The following ZNF106 variants were observed in gnomAD, a reference collection of about 807,000 sequenced individuals.
ZNF106 encodes the protein zinc finger protein 106.
A neutral mutation model predicts 195.1 loss-of-function variants in ZNF106; 67 were observed. The ratio of observed to expected loss-of-function variants is 0.34; its 90% CI spans 0.28 to 0.42. ZNF106 has a LOEUF of 0.42. ZNF106 is among the 10% of genes least tolerant of loss of function. The pLI is 1.00. For synonymous variants in ZNF106, 784 were observed against 818.6 expected (o/e 0.96, Z 0.72); for missense variants, 2,118 against 2,304.5 (o/e 0.92, Z 1.66).
At position 42,416,089 on chromosome 15, in the gene ZNF106, T is replaced by G. The variant is rs2085541673; in HGVS notation, c.*1215A>C. 1 of 152,202 alleles carries G rather than the reference T, an allele frequency of 6.6e-6. No individual in the cohort carries two copies. Among genetic ancestry groups the G allele is most frequent in the Non-Finnish European group, 1.5e-5 (1 of 68,138 alleles). 9.4% of individuals were successfully genotyped at this position (152,202 alleles called of 1,614,324 possible). A position where few individuals can be genotyped will look rare whatever the true frequency, so the allele number is the denominator to read the frequency against. The stretch of plus-strand genomic sequence containing the variant: ...GGCTGGAAAGCGACACTTCTACAGG[T>G]TTACTGATGAGTCCGGAGAAAATCC... On this transcript the variant is annotated 3_prime_UTR_variant, in exon 22 of 22. Transcript: ENST00000564754.
chr15:42,438,367 G>A (rs1050392876), intron 12 of ZNF106, among the ~76,000 whole-genome samples: 8 of 152,162 alleles, frequency 5.3e-5, no homozygotes, highest in African/African-American at 1.7e-4. Flanking sequence ...CTCCAGCCCA[G>A]GTGACAGAGC....
At chr15:42,465,208 C>A (rs1182509049) in intron 3 of ZNF106, among the ~76,000 whole-genome samples, 1 of 147,586 alleles carries the variant, frequency 6.8e-6, no homozygotes. Context: ...GCCTACATTT[C>A]ATTTTTTAAA....
chr15:42,437,295 C>A lies in ZNF106; in HGVS notation c.4683G>T (p.Gln1561His), dbSNP rs1272669775. The change falls in exon 13 of 22, where the codon CAG (glutamine) becomes CAT (histidine). Residue 1561 changes from glutamine to histidine, a missense_variant. Physicochemically the swap from Gln to His is conservative, Grantham distance 24. Transcript: ENST00000564754. ...EGHQAAVNAI[Q>H]IFGNLLYTCS... ...AGGTATATAGCAAGTTCCCAAATAT[C>A]TGAATTGCATTTACGGCAGCTTGGT... The A allele has an allele frequency of 6.2e-7, 1 of 1,614,148 alleles. No homozygotes were observed. The highest frequency in any genetic ancestry group is 1.1e-5 in the South Asian group (1 of 91,080).
In ZNF106 at chr15:42,416,634, T is replaced by C. The variant is rs2054470963; in HGVS notation, c.*670A>G. The C allele has an allele frequency of 6.6e-6, 1 of 152,274 alleles. No individual in the cohort carries two copies. The highest frequency in any genetic ancestry group is 6.5e-5 in the Admixed American group (1 of 15,286). 9.4% of individuals were successfully genotyped at this position (152,274 alleles called of 1,614,324 possible). On this transcript the variant is annotated 3_prime_UTR_variant, in exon 22 of 22. Coordinates refer to ENST00000564754, the MANE Select transcript of ZNF106 (RefSeq NM_001366845.3). Reference sequence around the variant, plus strand: ...TTACAGAGATTTACTAGAAGTGGTGTCTGTAAGGACTTGTCACTATGTGAT... The same window carrying C: ...TTACAGAGATTTACTAGAAGTGGTGCCTGTAAGGACTTGTCACTATGTGAT...
chr15:42,489,068 G>GCT (rs1386093040), intron 1 of ZNF106, among the ~76,000 whole-genome samples: 1 of 137,208 alleles, frequency 7.3e-6, no homozygotes, highest in Non-Finnish European at 1.6e-5. Context: ...ACAAAGCAAG[G>GCT]CTCTCTCTAA....
rs1048875314 is a variant in ZNF106, at chr15:42,458,210, A to C, written c.117-1052T>G. Among the ~76,000 whole-genome samples the C allele has an allele frequency of 3.9e-5, 6 of 151,988 alleles. 1 individual carries two copies. The highest frequency in any genetic ancestry group is 4.2e-4 in the South Asian group (2 of 4,814). On this transcript the variant is annotated intron_variant, in intron 3 of 21. Coordinates refer to ENST00000564754, the MANE Select transcript of ZNF106 (RefSeq NM_001366845.3). Reference sequence around the variant, plus strand: ...CCTATGCCAATCTATTAAAAAAAAAACCAACAACCCAAAAGGACATGCCGT... The same window carrying C: ...CCTATGCCAATCTATTAAAAAAAAACCCAACAACCCAAAAGGACATGCCGT...
Position 42,449,906 on chromosome 15 carries a change from C to T in ZNF106, c.2366G>A (p.Ser789Asn), listed in dbSNP as rs955371383. Residue 789 changes from serine to asparagine, a missense_variant, in exon 5 of 22, where the codon AGT (serine) becomes AAT (asparagine). By Grantham distance (46) the Ser-to-Asn change is conservative (BLOSUM62 1). Transcript: ENST00000564754. ...GAGCCCAGACTCCTTCTCTGTCTCA[C>T]TCTTTCGGTGACCGCTAATATTGCG... ...RIRNISGHRKSETEKESGLKP... is the reference protein window; with the variant it reads ...RIRNISGHRKNETEKESGLKP... The T allele has an allele frequency of 6.2e-6, 10 of 1,614,062 alleles. No individual in the cohort carries two copies. Among genetic ancestry groups the T allele is most frequent in the African/African-American group, 2.7e-5 (2 of 74,912 alleles).
chr15:42,448,182 A>C lies in ZNF106; in HGVS notation c.3025T>G (p.Ser1009Ala). The change falls in exon 6 of 22, where the codon TCA becomes GCA. Residue 1009 changes from serine (S) to alanine (A), a missense_variant. Coordinates refer to ENST00000564754, the MANE Select transcript of ZNF106 (RefSeq NM_001366845.3). Reference sequence around the variant, plus strand: ...GCTAAACTGGAGATCGCAAGGGCTGAGGATGCGCTTGATGACAGACAGTTT... The same window carrying C: ...GCTAAACTGGAGATCGCAAGGGCTGCGGATGCGCTTGATGACAGACAGTTT... Reference protein sequence around the residue: ...EGNCLSSSASSALAISSLADA... With the variant: ...EGNCLSSSASAALAISSLADA... 1.2e-6 allele frequency: 2 copies of C among 1,614,158 alleles called. No homozygotes were observed. The highest frequency in any genetic ancestry group is 1.7e-6 in the Non-Finnish European group (2 of 1,180,014).
intron 15 of ZNF106, chr15:42,425,353 CT>C (rs921245622): frequency 2.9e-4 from 70 of 244,096 alleles, no homozygotes; most frequent in Middle Eastern, 2.7e-3. Context: ...AAGGGTGAAC[CT>C]TTTTTTTTCA....
At chr15:42,431,354 A>C (rs2055040437) in intron 14 of ZNF106, among the ~76,000 whole-genome samples, 1 of 150,572 alleles carries the variant, frequency 6.6e-6, no homozygotes, top group Non-Finnish European at 1.5e-5. Context: ...TATAAATGTT[A>C]ATTGGATCTT....
chr15:42,457,808 A>T (rs1567022758), intron 3 of ZNF106, among the ~76,000 whole-genome samples: 1 of 152,254 alleles, frequency 6.6e-6, no homozygotes, highest in Non-Finnish European at 1.5e-5. Context: ...GGAAGTTAAC[A>T]GCTGTGCCAA....
intron 3 of ZNF106, among the ~76,000 whole-genome samples, chr15:42,464,170 T>A (rs566723308): frequency 1.3e-5 from 2 of 151,918 alleles, no homozygotes; most frequent in Admixed American, 1.3e-4. Context: ...TGAAAACCCG[T>A]CTCTACTAAA....
intron 6 of ZNF106, 88 bp from the exon 7 acceptor site, chr15:42,446,746 T>A (rs1416241431): frequency 8.7e-7 from 1 of 1,143,384 alleles, no homozygotes; most frequent in African/African-American, 1.6e-5. Context: ...AAGATAGCCA[T>A]ACACTGTTCT....
chr15:42,428,210 C>T, intron 14 of ZNF106, 76 bp from the exon 15 acceptor site: 1 of 1,253,096 alleles, frequency 8.0e-7, no homozygotes, highest in Non-Finnish European at 1.1e-6. Context: ...CTCCAGAAAG[C>T]AGACTTTAAA....
intron 7 of ZNF106, among the ~76,000 whole-genome samples, 164 bp downstream of exon 7, chr15:42,446,425 T>TA (rs1225756479): frequency 3.3e-5 from 5 of 151,904 alleles, no homozygotes; most frequent in African/African-American, 4.8e-5. Flanking sequence ...TACAAAAAAA[T>TA]AAAAGAATTA....
intron 14 of ZNF106, among the ~76,000 whole-genome samples, chr15:42,430,050 T>C (rs2054997458): frequency 6.6e-6 from 1 of 152,058 alleles, no homozygotes; most frequent in Non-Finnish European, 1.5e-5. Context: ...GTGGTAGTTA[T>C]ACAAACAAAT....
In ZNF106 at chr15:42,415,611, T is replaced by A; in HGVS notation, c.*1693A>T. On this transcript the variant is annotated 3_prime_UTR_variant, in exon 22 of 22. Transcript: ENST00000564754. ...GAGGGAAGACATGTGAGTGGATATATGTGCACTAACAGGGGCGAAGACAGA... is the reference window on the plus strand; with the variant it reads ...GAGGGAAGACATGTGAGTGGATATAAGTGCACTAACAGGGGCGAAGACAGA... 2.6e-6 allele frequency: 1 copy of A among 383,234 alleles called. No individual in the cohort carries two copies. Among genetic ancestry groups the A allele is most frequent in the South Asian group, 2.0e-5 (1 of 50,322 alleles). The allele number at this position is 383,234 out of a possible 1,614,324, so 23.7% of individuals were successfully genotyped here. A position where few individuals can be genotyped will look rare whatever the true frequency, so the allele number is the denominator to read the frequency against.
At position 42,450,789 on chromosome 15, in the gene ZNF106, T is replaced by C; in HGVS notation, c.1483A>G (p.Ile495Val). ...AAATTTGTTTTGGTGTTTTTTGAGATATTCTTTGGATCTTGCTTTTGAGAC... is the reference window on the plus strand; with the variant it reads ...AAATTTGTTTTGGTGTTTTTTGAGACATTCTTTGGATCTTGCTTTTGAGAC... ...SLSQKQDPKNISKNTKTNFFS... is the reference protein window; with the variant it reads ...SLSQKQDPKNVSKNTKTNFFS... The change falls in exon 5 of 22, where the codon ATC (isoleucine) becomes GTC (valine). Residue 495 changes from isoleucine (I) to valine (V), a missense_variant. Physicochemically the swap from Ile to Val is conservative, Grantham distance 29. Coordinates refer to ENST00000564754, the MANE Select transcript of ZNF106 (RefSeq NM_001366845.3). The C allele has an allele frequency of 6.2e-7, 1 of 1,614,200 alleles. No individual in the cohort carries two copies. Among genetic ancestry groups the C allele is most frequent in the Non-Finnish European group, 8.5e-7 (1 of 1,180,038 alleles).
At chr15:42,459,149 T>C (rs1304395785) in intron 3 of ZNF106, among the ~76,000 whole-genome samples, 1 of 152,094 alleles carries the variant, frequency 6.6e-6, no homozygotes, top group Non-Finnish European at 1.5e-5. Flanking sequence ...TACTGAGGGT[T>C]TTCAACTGCA....
Sources: allele counts gnomAD v4.1 joint callset (sites outside exome capture counted in the v4.1 genomes callset), GRCh38; gene constraint gnomAD v4.1.1; transcripts MANE v1.5; gene names NCBI Gene and HGNC (gene_info 2026-07-23, HGNC 2026-07-21).